Variants in CTNNA2 observed in about 807,000 individuals in gnomAD.
CTNNA2 encodes catenin alpha 2.
CTNNA2 carries 42 observed loss-of-function variants against 101.0 expected under a neutral mutation model. The observed-to-expected ratio is 0.42, with a 90% CI of 0.32 to 0.54. CTNNA2 has a LOEUF of 0.54. Ranked by LOEUF, CTNNA2 falls within the 20% of genes least tolerant of loss-of-function variation. The probability of loss-of-function intolerance (pLI) is 0.14; values close to 1 mark genes in which losing one functional copy is unlikely to be tolerated. For synonymous variants in CTNNA2, 450 were observed against 456.4 expected, an observed-to-expected ratio of 0.99 and a Z score of 0.18; for missense variants, 871 against 1,223.1, an observed-to-expected ratio of 0.71 and a Z score of 4.29.
At chr2:80,153,369 T>C (rs1357744927) in intron 7 of CTNNA2, among the ~76,000 whole-genome samples, 2 of 152,152 alleles carry the variant, frequency 1.3e-5, no homozygotes, top group Admixed American at 6.5e-5. Context: ...TGCTCAGTGG[T>C]TTTAATTAGG....
At chr2:79,427,162 T>C (rs1310210990) in intron 4 of CTNNA2, among the ~76,000 whole-genome samples, 1 of 151,972 alleles carries the variant, frequency 6.6e-6, no homozygotes, top group African/African-American at 2.4e-5. Context: ...AACAACACAA[T>C]GTCATATCAT....
chr2:79,554,354 C>A (rs1573330143), intron 1 of CTNNA2, among the ~76,000 whole-genome samples: 1 of 152,088 alleles, frequency 6.6e-6, no homozygotes, highest in Admixed American at 6.6e-5. Flanking sequence ...TAATTGATCA[C>A]AATATCTTCC....
Position 80,324,650 on chromosome 2 carries a change from T to G in CTNNA2, c.1057-68561T>G, listed in dbSNP as rs941055764. Among the ~76,000 whole-genome samples, 8 of 152,266 alleles carry G rather than the reference T, an allele frequency of 5.3e-5. No homozygotes were observed. The East Asian group carries it at 1.5e-3, about 29-fold the overall frequency. On this transcript the variant is annotated intron_variant, in intron 7 of 18. Coordinates refer to ENST00000402739, the MANE Select transcript of CTNNA2 (RefSeq NM_001282597.3). ...AACTAAATTCTTAGCTTCAAGTGATTTCCCAGAATGCTTGGAATAAAATAC... is the reference window on the plus strand; with the variant it reads ...AACTAAATTCTTAGCTTCAAGTGATGTCCCAGAATGCTTGGAATAAAATAC...
chr2:80,541,472 G>A (rs1269873346), intron 9 of CTNNA2, among the ~76,000 whole-genome samples: 3 of 152,182 alleles, frequency 2.0e-5, no homozygotes, highest in Admixed American at 6.5e-5. Flanking sequence ...TGGGTGAGGA[G>A]TTAGGCCTAA....
At chr2:80,157,380 C>T (rs532528270) in intron 7 of CTNNA2, among the ~76,000 whole-genome samples, 6 of 152,194 alleles carry the variant, frequency 3.9e-5, no homozygotes, top group South Asian at 2.1e-4. Flanking sequence ...ATGGGTCCTA[C>T]GGGACCCTGA....
chr2:79,727,231 A>G (rs569037845), intron 2 of CTNNA2, among the ~76,000 whole-genome samples: 1 of 152,350 alleles, frequency 6.6e-6, no homozygotes, highest in South Asian at 2.1e-4. Context: ...GTGGTACTAT[A>G]CAAATATATT....
chr2:79,593,914 G>T (rs1428091851), intron 1 of CTNNA2, among the ~76,000 whole-genome samples: 2 of 79,284 alleles, frequency 2.5e-5, no homozygotes, highest in Middle Eastern at 5.6e-3. Context: ...TTGAGATGGA[G>T]TCTTGCTCTT....
chr2:80,177,124 T>C (rs1705440741), intron 7 of CTNNA2, among the ~76,000 whole-genome samples: 4 of 152,004 alleles, frequency 2.6e-5, no homozygotes. Flanking sequence ...TGCTTTAGGG[T>C]GATGGGGAAC....
chr2:79,442,907 C>G (rs1269837530), intron 4 of CTNNA2, among the ~76,000 whole-genome samples: 2 of 152,070 alleles, frequency 1.3e-5, no homozygotes, highest in African/African-American at 2.4e-5. Flanking sequence ...CCTACCTCCA[C>G]CTCACACATG....
intron 4 of CTNNA2, among the ~76,000 whole-genome samples, chr2:79,867,220 C>G (rs1004585913): frequency 6.6e-6 from 1 of 152,130 alleles, no homozygotes; most frequent in East Asian, 1.9e-4. Flanking sequence ...CTTGACTGTT[C>G]AAAATCCTTG....
intron 4 of CTNNA2, among the ~76,000 whole-genome samples, chr2:79,443,798 G>C (rs1452951047): frequency 6.6e-6 from 1 of 151,872 alleles, no homozygotes; most frequent in Non-Finnish European, 1.5e-5. Flanking sequence ...ATTATGTAAG[G>C]CTTTCTGTAA....
intron 9 of CTNNA2, among the ~76,000 whole-genome samples, chr2:80,472,830 G>C (rs1037322091): frequency 6.6e-6 from 1 of 152,128 alleles, no homozygotes; most frequent in Admixed American, 6.5e-5. Flanking sequence ...GTAGAACAGG[G>C]AGGGTATCAC....
chr2:80,401,260 A>C (rs540878475), intron 8 of CTNNA2, among the ~76,000 whole-genome samples: 1 of 152,324 alleles, frequency 6.6e-6, no homozygotes, highest in Admixed American at 6.5e-5. Flanking sequence ...GAAAGAGTGA[A>C]GAATCCCCTG....
At chr2:79,982,497 A>ACACATG (rs1691452079) in intron 7 of CTNNA2, among the ~76,000 whole-genome samples, 1 of 149,340 alleles carries the variant, frequency 6.7e-6, no homozygotes. Context: ...ACACACACAC[A>ACACATG]CACATGCACG....
chr2:80,192,507 A>G (rs986121480), intron 7 of CTNNA2, among the ~76,000 whole-genome samples: 1 of 152,040 alleles, frequency 6.6e-6, no homozygotes, highest in African/African-American at 2.4e-5. Context: ...AAAATGGGCT[A>G]ATCTGTAAAA....
At chr2:80,186,921 G>C (rs1348353498) in intron 7 of CTNNA2, among the ~76,000 whole-genome samples, 1 of 152,204 alleles carries the variant, frequency 6.6e-6, no homozygotes, top group African/African-American at 2.4e-5. Context: ...GTTCCTGCTG[G>C]AATATTGCCT....
intron 1 of CTNNA2, among the ~76,000 whole-genome samples, chr2:79,523,724 T>G (rs1398671013): frequency 1.3e-5 from 2 of 152,312 alleles, no homozygotes; most frequent in East Asian, 3.9e-4. Context: ...AAAGTGCATA[T>G]TTCTTTACCC....
In CTNNA2 at chr2:79,977,347, A is replaced by G. The variant is rs188259915; in HGVS notation, c.1056+67550A>G. On this transcript the variant is annotated intron_variant, in intron 7 of 18. Coordinates refer to ENST00000402739, the MANE Select transcript of CTNNA2 (RefSeq NM_001282597.3). ...CTCCAAGGGACATGTGGTAAACGTC[A>G]AGCATTTTTGGTTCCCAAAACTGGG... Among the ~76,000 whole-genome samples the G allele has an allele frequency of 1.6e-4, 24 of 152,174 alleles. No individual in the cohort carries two copies. In the East Asian group the frequency reaches 3.7e-3, roughly 23 times the overall value.
At chr2:80,025,379 G>A (rs2104141923) in intron 7 of CTNNA2, among the ~76,000 whole-genome samples, 1 of 152,310 alleles carries the variant, frequency 6.6e-6, no homozygotes, top group African/African-American at 2.4e-5. Context: ...ATGTAAGGAA[G>A]CATAGGAAGG....
Sources: allele counts gnomAD v4.1 joint callset (sites outside exome capture counted in the v4.1 genomes callset), GRCh38; gene constraint gnomAD v4.1.1; transcripts MANE v1.5; gene names NCBI Gene and HGNC (gene_info 2026-07-23, HGNC 2026-07-21).